ACOT9: variants seen among roughly 807,000 people sequenced by gnomAD.
ACOT9 encodes the protein acyl-CoA thioesterase 9.
Under a neutral mutation model 39.7 loss-of-function variants are expected in ACOT9, and 34 were observed. The observed-to-expected ratio is 0.86, with a 90% confidence interval of 0.65 to 1.14. ACOT9 has a LOEUF of 1.14. Ranked by LOEUF, ACOT9 falls within the 50% of genes most tolerant of loss-of-function variation. The pLI, the probability that ACOT9 is intolerant of heterozygous loss-of-function variation, is 0.00. For synonymous variants in ACOT9, 110 were observed against 120.5 expected (o/e 0.91, Z 0.57); for missense variants, 313 against 344.1 (o/e 0.91, Z 0.71).
intron 8 of ACOT9, among the ~76,000 whole-genome samples, chrX:23,715,428 C>G (rs1255938708): frequency 9.0e-6 from 1 of 111,393 alleles, no homozygotes; most frequent in East Asian, 2.8e-4. Context: ...ATTCAGCCCC[C>G]TTAATAGAAA....
intron 2 of ACOT9, among the ~76,000 whole-genome samples, chrX:23,735,240 CA>C (rs35950361): frequency 2.7e-3 from 78 of 29,142 alleles, no homozygotes; most frequent in Middle Eastern, 0.026. Flanking sequence ...GACTCCATCC[CA>C]AAAAAAAAAA....
chrX:23,725,936 C>T (rs1228500530), intron 6 of ACOT9, among the ~76,000 whole-genome samples: 1 of 111,603 alleles, frequency 9.0e-6, no homozygotes, highest in Non-Finnish European at 1.9e-5. Flanking sequence ...CAGTGGCTCA[C>T]GTCTGTAATC....
Position 23,705,590 on chromosome X carries a change from C to T in ACOT9, c.938G>A (p.Arg313Gln), listed in dbSNP as rs770414891. 11 of 1,205,685 alleles carry T rather than the reference C, an allele frequency of 9.1e-6. No homozygotes were observed. Among genetic ancestry groups the T allele is most frequent in the African/African-American group, 1.8e-5 (1 of 57,023 alleles). Residue 313 changes from arginine to glutamine, a missense_variant, in exon 13 of 16, where the codon CGG becomes CAG. Coordinates refer to ENST00000379303, the MANE Select transcript of ACOT9 (RefSeq NM_001037171.2). ...ACCAAAGATCCGATTGAAAATGTTC[C>T]GCTCCTACAGGACATAAATAAATAT... ...KSLEICHPQE[R>Q]NIFNRIFGGF...
At chrX:23,733,840 CA>C (rs1467145144) in intron 3 of ACOT9, among the ~76,000 whole-genome samples, 1 of 112,485 alleles carries the variant, frequency 8.9e-6, no homozygotes, top group East Asian at 2.8e-4. Context: ...CAGCTCACTG[CA>C]ACCTCCGCCT....
intron 5 of ACOT9, 29 bp from the exon 6 acceptor site, chrX:23,730,593 A>G (rs1404914250): frequency 2.6e-6 from 3 of 1,170,698 alleles, no homozygotes; most frequent in African/African-American, 3.5e-5. Context: ...AGTGAATTAA[A>G]TGCAAATCAT....
At chrX:23,722,569 A>C (rs1324494607) in intron 7 of ACOT9, 101 bp downstream of exon 7, 1 of 648,604 alleles carries the variant, frequency 1.5e-6, no homozygotes. Context: ...CGTCTCAAAA[A>C]AAAAAAAAAT....
intron 6 of ACOT9, among the ~76,000 whole-genome samples, chrX:23,726,601 C>T (rs182879471): frequency 1.8e-5 from 2 of 110,843 alleles, no homozygotes; most frequent in East Asian, 5.7e-4. Flanking sequence ...AGGTTCTTTT[C>T]AGAAAGTGAG....
intron 1 of ACOT9, among the ~76,000 whole-genome samples, chrX:23,739,818 C>T (rs1930071793): frequency 9.1e-6 from 1 of 110,021 alleles, no homozygotes. Flanking sequence ...GAAAGATAGC[C>T]TAAGCCAGGC....
At chrX:23,738,504 G>A (rs1002860826) in intron 1 of ACOT9, among the ~76,000 whole-genome samples, 3 of 110,316 alleles carry the variant, frequency 2.7e-5, no homozygotes, top group African/African-American at 9.9e-5. Context: ...AGCTACTCTG[G>A]AGGCTGAGGC....
intron 8 of ACOT9, among the ~76,000 whole-genome samples, chrX:23,715,048 A>G (rs1231338097): frequency 9.0e-6 from 1 of 111,343 alleles, no homozygotes; most frequent in African/African-American, 3.3e-5. Context: ...CCTCATCACT[A>G]CTGCCCTCCC....
intron 8 of ACOT9, among the ~76,000 whole-genome samples, chrX:23,713,528 G>A (rs113866378): frequency 1.4e-3 from 147 of 101,810 alleles, no homozygotes; most frequent in African/African-American, 5.0e-3. Flanking sequence ...GCAGTGAGCC[G>A]AGATTGCAGG....
intron 1 of ACOT9, among the ~76,000 whole-genome samples, chrX:23,737,556 T>G (rs1011579289): frequency 8.9e-6 from 1 of 112,322 alleles, no homozygotes; most frequent in Non-Finnish European, 1.9e-5. Context: ...AAAATCTACA[T>G]GCAGTTTTGA....
At chrX:23,730,469 A>G (rs1261938892) in intron 6 of ACOT9, 58 bp downstream of exon 6, 1 of 915,755 alleles carries the variant, frequency 1.1e-6, no homozygotes, top group Non-Finnish European at 1.6e-6. Context: ...CTTTCCAGTC[A>G]CAGAATTCAA....
At chrX:23,732,826 AT>A (rs1217154116) in intron 4 of ACOT9, among the ~76,000 whole-genome samples, 2 of 111,957 alleles carry the variant, frequency 1.8e-5, no homozygotes, top group Admixed American at 9.6e-5. Context: ...AAACCCTGAC[AT>A]TTAATCATTC....
chrX:23,724,114 G>A (rs1929420251), intron 6 of ACOT9, among the ~76,000 whole-genome samples: 1 of 109,965 alleles, frequency 9.1e-6, no homozygotes, highest in Admixed American at 9.8e-5. Context: ...AAACACAAAA[G>A]TTAGCCAGGT....
intron 6 of ACOT9, among the ~76,000 whole-genome samples, chrX:23,723,480 G>A (rs1342738499): frequency 2.8e-5 from 3 of 107,977 alleles, no homozygotes; most frequent in Non-Finnish European, 5.7e-5. Context: ...CGGGCGTGGT[G>A]GCGTCCCAGT....
At chrX:23,713,572 A>AG (rs1441245861) in intron 8 of ACOT9, among the ~76,000 whole-genome samples, 11 of 106,998 alleles carry the variant, frequency 1.0e-4, no homozygotes, top group South Asian at 4.1e-4. Context: ...AAAAAAAAAA[A>AG]AGAGAGAGAG....
intron 8 of ACOT9, among the ~76,000 whole-genome samples, chrX:23,721,234 G>T (rs929303344): frequency 9.1e-6 from 1 of 110,261 alleles, no homozygotes; most frequent in African/African-American, 3.3e-5. Flanking sequence ...GAGATTACAG[G>T]CGTGCACCAC....
intron 2 of ACOT9, among the ~76,000 whole-genome samples, chrX:23,734,981 C>CAAAAAAAAA (rs56047011): frequency 3.4e-5 from 1 of 29,766 alleles, no homozygotes; most frequent in Non-Finnish European, 5.2e-5. Flanking sequence ...GACTTCATCT[C>CAAAAAAAAA]AAAAAAAAAA....
Sources: allele counts gnomAD v4.1 joint callset (sites outside exome capture counted in the v4.1 genomes callset), GRCh38; gene constraint gnomAD v4.1.1; transcripts MANE v1.5; gene names NCBI Gene and HGNC (gene_info 2026-07-23, HGNC 2026-07-21).